PCLO: variants seen among roughly 807,000 people sequenced by gnomAD.
PCLO encodes the protein piccolo presynaptic cytomatrix protein.
In PCLO, 82 loss-of-function variants were observed where a neutral mutation model predicts 427.5. The ratio of observed to expected loss-of-function variants is 0.19; its 90% CI spans 0.16 to 0.23. The LOEUF is 0.23. PCLO is among the 10% of genes least tolerant of loss of function. PCLO has a pLI of 1.00. For missense variants in PCLO, 6,239 were observed against 6,115.9 expected, an observed-to-expected ratio of 1.02 and a Z score of -0.67; for synonymous variants, 2,357 against 2,155.4, an observed-to-expected ratio of 1.09 and a Z score of -2.59.
At chr7:83,041,843 T>A (rs1788981356) in intron 3 of PCLO, among the ~76,000 whole-genome samples, 1 of 152,180 alleles carries the variant, frequency 6.6e-6, no homozygotes, top group African/African-American at 2.4e-5. Flanking sequence ...CATTTTCTCA[T>A]TACATACAAC....
At chr7:82,867,952 G>C (rs1318886892) in intron 10 of PCLO, among the ~76,000 whole-genome samples, 1 of 152,108 alleles carries the variant, frequency 6.6e-6, no homozygotes, top group Non-Finnish European at 1.5e-5. Flanking sequence ...TCAGCCCAGG[G>C]ACCAGTAATT....
intron 3 of PCLO, among the ~76,000 whole-genome samples, chr7:83,054,996 C>A (rs1789343107): frequency 6.6e-6 from 1 of 151,994 alleles, no homozygotes; most frequent in South Asian, 2.1e-4. Flanking sequence ...TGCTGAAATG[C>A]CTAAATTAGA....
chr7:82,777,592 T>C (rs557097375), intron 22 of PCLO, among the ~76,000 whole-genome samples: 1 of 152,178 alleles, frequency 6.6e-6, no homozygotes, highest in Admixed American at 6.5e-5. Flanking sequence ...GAAATAAGGC[T>C]GTACACCTAC....
At position 83,162,523 on chromosome 7, in the gene PCLO, C is replaced by G. The variant is rs1312231778; in HGVS notation, c.70G>C (p.Gly24Arg). ...EGLAAAAAAG[G>R]GASGAGSPSH... ...GGGCTCCCCGCCCCGCTAGCTCCTC[C>G]TCCAGCCGCTGCGGCCGCCGCCAGC... Residue 24 changes from glycine (G) to arginine (R), a missense_variant, in exon 1 of 25, where the codon GGA becomes CGA. By Grantham distance (125) the Gly-to-Arg change is moderately radical. This residue lies in a region of PCLO where 4,677 missense variants were observed against 4,468.4 expected (regional missense o/e 1.05). Transcript: ENST00000333891. 2.6e-6 allele frequency: 4 copies of G among 1,557,196 alleles called. No homozygotes were observed. In the Admixed American group the frequency reaches 7.7e-5, roughly 30 times the overall value.
chr7:82,787,036 A>C (rs1323227430), intron 22 of PCLO, among the ~76,000 whole-genome samples: 3 of 151,808 alleles, frequency 2.0e-5, no homozygotes, highest in Non-Finnish European at 2.9e-5. Context: ...TTGTGAACAC[A>C]CAATAAACAT....
rs1449547098 is a variant in PCLO at position 82,950,649 on chromosome 7, C to T, written c.9939G>A (p.Arg3313=). The T allele has an allele frequency of 1.2e-6, 2 of 1,613,748 alleles. No individual in the cohort carries two copies. Among genetic ancestry groups the T allele is most frequent in the Non-Finnish European group, 1.7e-6 (2 of 1,179,808 alleles). Residue 3313 remains arginine (R), a synonymous_variant, in exon 6 of 25, where the codon CGG becomes CGA. Coordinates refer to ENST00000333891, the MANE Select transcript of PCLO (RefSeq NM_033026.6). The part of the protein sequence containing the change: ...LHQQLEEQKI[R]QIYQYNYDPS... ...GGTCATAGTTATACTGGTAGATCTG[C>T]CGAATCTTTTGCTCCTCCAGCTGCT... is the stretch of plus-strand genomic sequence containing the variant.
chr7:82,968,621 G>A (rs967856011), intron 3 of PCLO, among the ~76,000 whole-genome samples: 5 of 148,114 alleles, frequency 3.4e-5, no homozygotes, highest in African/African-American at 1.2e-4. Flanking sequence ...CCGGGTTCAA[G>A]AAATTCTCCT....
At chr7:83,145,682 G>A (rs549922604) in intron 2 of PCLO, among the ~76,000 whole-genome samples, 62 of 152,264 alleles carry the variant, frequency 4.1e-4, no homozygotes, top group Non-Finnish European at 7.4e-4. Context: ...ATTTTAATTA[G>A]TAGTGGTAAT....
chr7:83,128,355 C>T (rs559458381), intron 3 of PCLO, among the ~76,000 whole-genome samples: 4 of 152,092 alleles, frequency 2.6e-5, no homozygotes, highest in African/African-American at 7.2e-5. Context: ...ATTGTTTTTG[C>T]GATATTTAAC....
At chr7:82,863,879 C>T (rs576758371) in intron 10 of PCLO, among the ~76,000 whole-genome samples, 1 of 152,038 alleles carries the variant, frequency 6.6e-6, no homozygotes, top group East Asian at 1.9e-4. Flanking sequence ...TGTGGTAATA[C>T]CTTCGGTATT....
chr7:82,826,549 A>G (rs561141018), intron 18 of PCLO, 40 bp downstream of exon 18: 2 of 1,329,702 alleles, frequency 1.5e-6, no homozygotes, highest in East Asian at 2.3e-5. Flanking sequence ...TTGGTGGTTT[A>G]CCATAGCAGC....
At chr7:82,922,709 C>G (rs1794626088) in intron 6 of PCLO, among the ~76,000 whole-genome samples, 1 of 151,896 alleles carries the variant, frequency 6.6e-6, no homozygotes, top group Non-Finnish European at 1.5e-5. Context: ...TGTAACAAAC[C>G]TGCACATGTA....
chr7:82,774,910 C>T (rs769369523), intron 22 of PCLO, among the ~76,000 whole-genome samples: 59 of 152,192 alleles, frequency 3.9e-4, no homozygotes, highest in Non-Finnish European at 3.5e-4. Context: ...TCCTTCTCCC[C>T]GCTAAACCCC....
chr7:82,878,020 T>A (rs1280099190), intron 10 of PCLO, among the ~76,000 whole-genome samples: 1 of 152,186 alleles, frequency 6.6e-6, no homozygotes, highest in Non-Finnish European at 1.5e-5. Context: ...GATGTGCTGG[T>A]AAGCTGGCAT....
chr7:82,869,547 C>T (rs1203846953), intron 10 of PCLO, among the ~76,000 whole-genome samples: 2 of 152,096 alleles, frequency 1.3e-5, no homozygotes, highest in East Asian at 1.9e-4. Context: ...TCCTGACAAA[C>T]GGCTCTAGGA....
intron 3 of PCLO, among the ~76,000 whole-genome samples, chr7:83,093,774 T>G (rs140422605): frequency 7.3e-6 from 1 of 137,746 alleles, no homozygotes; most frequent in African/African-American, 2.7e-5. Flanking sequence ...ATTACAGGCA[T>G]AAGCCACCAC....
intron 3 of PCLO, among the ~76,000 whole-genome samples, chr7:83,082,414 T>C (rs1168663984): frequency 6.6e-6 from 1 of 151,662 alleles, no homozygotes; most frequent in African/African-American, 2.4e-5. Flanking sequence ...AAGTCAACTA[T>C]AATAAAAATC....
Position 82,956,171 on chromosome 7 carries a change from C to T in PCLO, c.4782G>A (p.Lys1594=), listed in dbSNP as rs1391090645. The T allele has an allele frequency of 6.8e-6, 11 of 1,608,838 alleles. No homozygotes were observed. The highest frequency in any genetic ancestry group is 8.5e-6 in the Non-Finnish European group (10 of 1,179,862). ...TTTTGCCTTTTCCCTTTGTTTCTTCCTTCTTCTGGCTCTCAGTACTGCTAC... is the reference window on the plus strand; with the variant it reads ...TTTTGCCTTTTCCCTTTGTTTCTTCTTTCTTCTGGCTCTCAGTACTGCTAC... ...EISSSTESQK[K]EETKGKGKIT... is the part of the protein sequence containing the mutation. Residue 1594 remains lysine (K), a synonymous_variant, in exon 5 of 25, where the codon AAG becomes AAA. Coordinates refer to ENST00000333891, the MANE Select transcript of PCLO (RefSeq NM_033026.6).
chr7:82,983,721 A>C (rs1796198174), intron 3 of PCLO, among the ~76,000 whole-genome samples: 1 of 151,616 alleles, frequency 6.6e-6, no homozygotes, highest in South Asian at 2.1e-4. Context: ...AGGCACAAAA[A>C]TGAAAGAAGA....
Sources: gnomAD v4.1 joint callset for allele counts (sites outside exome capture counted in the v4.1 genomes callset) on GRCh38, gnomAD v4.1.1 for gene constraint, gnomAD v4.1.1 regional missense constraint, MANE v1.5 for transcripts, NCBI Gene and HGNC (gene_info 2026-07-23, HGNC 2026-07-21) for gene names.